Variants in RPS13 observed in about 807,000 individuals in gnomAD.
RPS13 encodes small ribosomal subunit protein uS15.
RPS13 carries 1 observed loss-of-function variant against 24.6 expected under a neutral mutation model. That is an observed-to-expected ratio of 0.04 (90% CI 0.01 to 0.19). The LOEUF is 0.19. Ranked by LOEUF, RPS13 falls within the 10% of genes least tolerant of loss-of-function variation. The pLI, the probability that RPS13 is intolerant of heterozygous loss-of-function variation, is 1.00. For missense variants in RPS13, 88 were observed against 187.4 expected (o/e 0.47, Z 3.10); for synonymous variants, 69 against 65.3 (o/e 1.06, Z -0.27).
At chr11:17,077,017 A>C in intron 3 of RPS13, 151 bp downstream of exon 3, 1 of 650,082 alleles carries the variant, frequency 1.5e-6, no homozygotes, top group Middle Eastern at 4.3e-4. Flanking sequence ...AATTAAACGA[A>C]ATCAGTACAT....
rs182882914 is a variant in RPS13 at position 17,077,318 on chromosome 11, C to T, written c.73-72G>A. 2.4e-3 allele frequency: 3,741 copies of T among 1,574,390 alleles called. 10 individuals are homozygous for T. The highest frequency in any genetic ancestry group is 3.0e-3 in the Non-Finnish European group (3,389 of 1,144,968). The stretch of plus-strand genomic sequence containing the variant: ...CGCCGCAGAACAGCGGTCTCTCCTT[C>T]CGCAAAACCGCGCTCCTCATACACG... On this transcript the variant is annotated intron_variant, in intron 2 of 5. Transcript: ENST00000525634.
At chr11:17,076,306 C>A (rs1294705376) in intron 3 of RPS13, 3 of 238,216 alleles carry the variant, frequency 1.3e-5, no homozygotes, top group African/African-American at 2.4e-5. Flanking sequence ...GAATTGCTTG[C>A]TTGAACCCAG....
chr11:17,075,077 A>G lies in RPS13; in HGVS notation c.422+20T>C. ...CTGACTCCTATTCTTGATAACAACG[A>G]CAAAAGAGTTGATACTTACTATTTC... is the stretch of plus-strand genomic sequence containing the variant. On this transcript the variant is annotated intron_variant, in intron 5 of 5. Transcript: ENST00000525634. The G allele has an allele frequency of 6.6e-7, 1 of 1,525,506 alleles. No homozygotes were observed. Among genetic ancestry groups the G allele is most frequent in the Non-Finnish European group, 9.0e-7 (1 of 1,111,326 alleles). 94.5% of individuals were successfully genotyped at this position (1,525,506 alleles called of 1,614,324 possible). A position where few individuals can be genotyped will look rare whatever the true frequency, so the allele number is the denominator to read the frequency against.
chr11:17,077,429 A>C lies in RPS13; in HGVS notation c.72T>G (p.Thr24=), dbSNP rs1430165333. The part of the protein sequence containing the change: ...SALPYRRSVP[T]WLKLTSDDVK... The stretch of plus-strand genomic sequence containing the variant: ...TCCCCGGTCCCAGCGCGCTACTTAC[A>C]GTGGGGACGCTGCGTCGATAGGGTA... Residue 24 remains threonine, a splice_region_variant and synonymous_variant, in exon 2 of 6, where the codon ACT becomes ACG. Coordinates refer to ENST00000525634, the MANE Select transcript of RPS13 (RefSeq NM_001017.3). 6.2e-7 allele frequency: 1 copy of C among 1,608,696 alleles called. No individual in the cohort carries two copies. The highest frequency in any genetic ancestry group is 8.5e-7 in the Non-Finnish European group (1 of 1,177,250).
chr11:17,076,665 T>G (rs575682298), intron 3 of RPS13: 8 of 342,736 alleles, frequency 2.3e-5, no homozygotes, highest in South Asian at 1.7e-4. Context: ...CTCTCACCTC[T>G]GCATCCCAAG....
chr11:17,076,080 A>AC (rs1848021518), intron 3 of RPS13: 3 of 262,498 alleles, frequency 1.1e-5, no homozygotes, highest in Admixed American at 4.9e-5. Context: ...GATATTTTGC[A>AC]CCCCCCTCCC....
At chr11:17,075,013 A>G (rs886291403) in intron 5 of RPS13, 84 bp downstream of exon 5, 35 of 919,882 alleles carry the variant, frequency 3.8e-5, no homozygotes, top group Non-Finnish European at 5.5e-5. Context: ...ACTAGCCCCC[A>G]AGGCTGAACA....
At chr11:17,075,420 C>T (rs1848010877) in intron 4 of RPS13, 34 bp downstream of exon 4, 1 of 1,502,080 alleles carries the variant, frequency 6.7e-7, no homozygotes, top group East Asian at 2.3e-5. Context: ...TACAAGCAGT[C>T]CTACTTAGCA....
intron 4 of RPS13, 72 bp from the exon 5 acceptor site, chr11:17,075,269 G>T: frequency 8.7e-7 from 1 of 1,150,112 alleles, no homozygotes; most frequent in Non-Finnish European, 1.3e-6. Context: ...ATTAATAAGA[G>T]AATGTAGAGC....
intron 3 of RPS13, chr11:17,076,064 A>G (rs1346597122): frequency 2.1e-5 from 6 of 288,816 alleles, no homozygotes; most frequent in Non-Finnish European, 4.1e-5. Flanking sequence ...AAGCTCCAGG[A>G]GTACAGATAT....
At chr11:17,076,366 G>A (rs568890186) in intron 3 of RPS13, 1 of 292,742 alleles carries the variant, frequency 3.4e-6, no homozygotes, top group Non-Finnish European at 6.8e-6. Flanking sequence ...CTCCAGCCTG[G>A]GTGACAAAGT....
intron 3 of RPS13, chr11:17,076,700 G>A (rs1401148979): frequency 1.6e-5 from 5 of 304,230 alleles, no homozygotes; most frequent in Non-Finnish European, 2.6e-5. Context: ...GGCACATTGC[G>A]GCTGGCTTTT....
chr11:17,075,299 T>C (rs1848009780), intron 4 of RPS13, 102 bp from the exon 5 acceptor site: 4 of 1,009,702 alleles, frequency 4.0e-6, no homozygotes, highest in South Asian at 1.6e-5. Context: ...CTTTCTATAA[T>C]GAAAATCTCT....
In RPS13 at chr11:17,077,226, G is replaced by C. The variant is rs764104648; in HGVS notation, c.93C>G (p.Asp31Glu). 3 of 1,613,624 alleles carry C rather than the reference G, an allele frequency of 1.9e-6. No individual in the cohort carries two copies. The highest frequency in any genetic ancestry group is 2.5e-6 in the Non-Finnish European group (3 of 1,179,638). Residue 31 changes from aspartate (D) to glutamate (E), a missense_variant, in exon 3 of 6, where the codon GAC (aspartate) becomes GAG (glutamate). Physicochemically the swap from Asp to Glu is conservative, Grantham distance 45. Coordinates refer to ENST00000525634, the MANE Select transcript of RPS13 (RefSeq NM_001017.3). ...SVPTWLKLTS[D>E]DVKEQIYKLA... is the part of the protein sequence containing the mutation. ...GTTTGTAAATCTGCTCCTTCACGTC[G>C]TCAGATGTCAACTTCAACCACTGTT... is the stretch of plus-strand genomic sequence containing the variant.
Position 17,074,484 on chromosome 11 carries a change from G to A in RPS13, c.423-18C>T. The A allele has an allele frequency of 1.2e-6, 2 of 1,605,270 alleles. No individual in the cohort carries two copies. Among genetic ancestry groups the A allele is most frequent in the Non-Finnish European group, 8.5e-7 (1 of 1,172,536 alleles). On this transcript the variant is annotated intron_variant, in intron 5 of 5. Coordinates refer to ENST00000525634, the MANE Select transcript of RPS13 (RefSeq NM_001017.3). ...ATGATTCACTGAAAAAGAAAAAAGG[G>A]GAAAGAAAGAAAATCAGGATTAATA...
chr11:17,075,903 G>A (rs926168588), intron 3 of RPS13: 1 of 544,322 alleles, frequency 1.8e-6, no homozygotes, highest in African/African-American at 1.9e-5. Context: ...AGGGATTAAT[G>A]AGATTCCACA....
chr11:17,077,121 T>C (rs766806946), intron 3 of RPS13, 47 bp downstream of exon 3: 127 of 1,400,876 alleles, frequency 9.1e-5, no homozygotes, highest in Admixed American at 2.2e-4. Context: ...ATCCTACAAG[T>C]CACACGAGGA....
rs191499881 is a variant in RPS13 at position 17,077,253 on chromosome 11, T to G, written c.73-7A>C. 1.2e-4 allele frequency: 193 copies of G among 1,613,414 alleles called. No individual in the cohort carries two copies. Among genetic ancestry groups the G allele is most frequent in the Middle Eastern group, 1.7e-4 (1 of 6,056 alleles). Reference sequence around the variant, plus strand: ...CAGATGTCAACTTCAACCACTGTTATGGAATAGAAAGCAGCCTTAGGATGA... The same window carrying G: ...CAGATGTCAACTTCAACCACTGTTAGGGAATAGAAAGCAGCCTTAGGATGA... On this transcript the variant is annotated splice_polypyrimidine_tract_variant and splice_region_variant and intron_variant, in intron 2 of 5. Coordinates refer to ENST00000525634, the MANE Select transcript of RPS13 (RefSeq NM_001017.3).
At chr11:17,077,584 C>T in intron 1 of RPS13, 35 bp downstream of exon 1, 6 of 582,606 alleles carry the variant, frequency 1.0e-5, no homozygotes, top group Middle Eastern at 3.0e-4. Context: ...CTCCCACCCC[C>T]CGCCCAGCAA....
Sources: allele counts gnomAD v4.1 joint callset, GRCh38; gene constraint gnomAD v4.1.1; transcripts MANE v1.5; gene names NCBI Gene and HGNC (gene_info 2026-07-23, HGNC 2026-07-21).